Variants in MACROD1 observed in about 807,000 individuals in gnomAD.
MACROD1 encodes ADP-ribose glycohydrolase MACROD1.
Under a neutral mutation model 41.4 loss-of-function variants are expected in MACROD1, and 31 were observed. The ratio of observed to expected loss-of-function variants is 0.75; its 90% CI spans 0.56 to 1.01. The LOEUF (loss-of-function observed/expected upper bound fraction) is 1.01, where lower values mean the gene tolerates loss of function less well. Ranked by LOEUF, MACROD1 falls within the 50% of genes least tolerant of loss-of-function variation. The pLI is 0.00. For missense variants in MACROD1, 473 were observed against 460.0 expected, an observed-to-expected ratio of 1.03 and a Z score of -0.26; for synonymous variants, 252 against 203.4, an observed-to-expected ratio of 1.24 and a Z score of -2.03.
At chr11:64,012,737 T>C (rs1565194339) in intron 4 of MACROD1, among the ~76,000 whole-genome samples, 1 of 152,210 alleles carries the variant, frequency 6.6e-6, no homozygotes, top group African/African-American at 2.4e-5. Context: ...GGTTTCACCA[T>C]GTTGGCCAGG....
intron 3 of MACROD1, among the ~76,000 whole-genome samples, chr11:64,119,788 G>A (rs1405769437): frequency 1.3e-5 from 2 of 152,154 alleles, no homozygotes; most frequent in Non-Finnish European, 2.9e-5. Context: ...AATCCATGTC[G>A]CTATCATGCA....
intron 4 of MACROD1, among the ~76,000 whole-genome samples, chr11:64,005,643 A>G (rs1343202320): frequency 1.3e-5 from 2 of 152,248 alleles, no homozygotes; most frequent in Non-Finnish European, 2.9e-5. Flanking sequence ...CGCCTCTGAA[A>G]TGAGCTTTTG....
chr11:64,128,734 C>A (rs1945223218), intron 3 of MACROD1, among the ~76,000 whole-genome samples: 1 of 151,990 alleles, frequency 6.6e-6, no homozygotes, highest in African/African-American at 2.4e-5. Flanking sequence ...GCACTGGTTT[C>A]CCACGCCTCT....
At chr11:64,100,436 T>C (rs972222621) in intron 3 of MACROD1, among the ~76,000 whole-genome samples, 4 of 152,190 alleles carry the variant, frequency 2.6e-5, no homozygotes, top group Non-Finnish European at 2.9e-5. Flanking sequence ...TTATTGGTTT[T>C]GAGCACAGAG....
chr11:64,022,867 A>ATTTT (rs922794608), intron 3 of MACROD1, among the ~76,000 whole-genome samples: 60 of 90,760 alleles, frequency 6.6e-4, no homozygotes, highest in African/African-American at 8.6e-4. Flanking sequence ...TTCCACATGG[A>ATTTT]TTTTTTTTTT....
At chr11:64,129,575 G>A (rs1945236373) in intron 3 of MACROD1, among the ~76,000 whole-genome samples, 1 of 152,204 alleles carries the variant, frequency 6.6e-6, no homozygotes, top group Non-Finnish European at 1.5e-5. Flanking sequence ...GCCAGGTGCT[G>A]AGCTGGTTGG....
chr11:64,148,953 T>C, intron 3 of MACROD1: 1 of 985,328 alleles, frequency 1.0e-6, no homozygotes, highest in Non-Finnish European at 1.2e-6. Context: ...TCGGGCTCTG[T>C]GTGGGAAGCC....
intron 1 of MACROD1, among the ~76,000 whole-genome samples, chr11:64,161,396 G>A (rs1264438405): frequency 6.6e-6 from 1 of 152,148 alleles, no homozygotes; most frequent in Non-Finnish European, 1.5e-5. Context: ...GAAAAGAGGC[G>A]ACTTCTGGCG....
chr11:64,062,203 A>G (rs986314002), intron 3 of MACROD1, among the ~76,000 whole-genome samples: 2 of 151,958 alleles, frequency 1.3e-5, no homozygotes, highest in African/African-American at 4.8e-5. Context: ...CTGCCACACT[A>G]TGAGGGTTCC....
In MACROD1 at chr11:63,998,900, G is replaced by A. The variant is rs372761829; in HGVS notation, c.974-28C>T. The A allele has an allele frequency of 1.9e-4, 306 of 1,593,216 alleles. 4 individuals are homozygous for A. In the South Asian group the frequency reaches 2.8e-3, roughly 15 times the overall value. On this transcript the variant is annotated intron_variant, in intron 9 of 10. Coordinates refer to ENST00000255681, the MANE Select transcript of MACROD1 (RefSeq NM_014067.4). ...GGAAGGCAGAGGACAGTGAGAGCCC[G>A]CCCCCAGGGTGGACCGGGGCAGGGG...
chr11:64,115,059 G>A (rs1204315995), intron 3 of MACROD1, among the ~76,000 whole-genome samples: 1 of 152,136 alleles, frequency 6.6e-6, no homozygotes, highest in Non-Finnish European at 1.5e-5. Context: ...CTGCACACCA[G>A]GGCTGCCCTC....
At chr11:64,003,678 C>T (rs1477651007) in intron 4 of MACROD1, among the ~76,000 whole-genome samples, 1 of 152,244 alleles carries the variant, frequency 6.6e-6, no homozygotes, top group Admixed American at 6.5e-5. Flanking sequence ...GAAACTGAGG[C>T]ACAGAGAGCA....
intron 3 of MACROD1, among the ~76,000 whole-genome samples, chr11:64,126,104 C>G (rs970550972): frequency 2.6e-5 from 4 of 152,154 alleles, no homozygotes; most frequent in African/African-American, 4.8e-5. Flanking sequence ...GTTCTGAGTA[C>G]GCAGGTGAGA....
At chr11:64,016,292 C>T (rs753354962) in intron 3 of MACROD1, among the ~76,000 whole-genome samples, 5 of 152,238 alleles carry the variant, frequency 3.3e-5, no homozygotes, top group Non-Finnish European at 5.9e-5. Flanking sequence ...CCGCAGCCTG[C>T]GTCCGTGGTA....
intron 3 of MACROD1, among the ~76,000 whole-genome samples, chr11:64,092,819 G>A (rs1251774740): frequency 6.6e-6 from 1 of 152,264 alleles, no homozygotes; most frequent in Non-Finnish European, 1.5e-5. Flanking sequence ...GTTTGAAGAA[G>A]ACATGAACGC....
intron 3 of MACROD1, among the ~76,000 whole-genome samples, chr11:64,137,818 G>C (rs531106836): frequency 4.4e-4 from 67 of 152,328 alleles, no homozygotes; most frequent in Non-Finnish European, 6.5e-4. Context: ...TTCCAGGTGG[G>C]ACCAGGAGCA....
At chr11:64,085,578 C>G (rs1944379789) in intron 3 of MACROD1, among the ~76,000 whole-genome samples, 1 of 152,192 alleles carries the variant, frequency 6.6e-6, no homozygotes, top group Admixed American at 6.5e-5. Context: ...CCGCCCGGGT[C>G]CACCCCAGGC....
At chr11:64,156,998 C>G (rs1272411238) in intron 1 of MACROD1, among the ~76,000 whole-genome samples, 1 of 152,230 alleles carries the variant, frequency 6.6e-6, no homozygotes, top group East Asian at 1.9e-4. Context: ...TCCATGTCCT[C>G]TTATCGGCAA....
chr11:64,028,156 G>T (rs1342116258), intron 3 of MACROD1, among the ~76,000 whole-genome samples: 1 of 152,236 alleles, frequency 6.6e-6, no homozygotes, highest in Admixed American at 6.5e-5. Context: ...CTTCCCCAGT[G>T]GGGAGTGCTG....
Sources: gnomAD v4.1 joint callset for allele counts (sites outside exome capture counted in the v4.1 genomes callset) on GRCh38, gnomAD v4.1.1 for gene constraint, MANE v1.5 for transcripts, NCBI Gene and HGNC (gene_info 2026-07-23, HGNC 2026-07-21) for gene names.